The following ELMO1 variants were observed in gnomAD, a reference collection of about 807,000 sequenced individuals.
The protein encoded by ELMO1 is engulfment and cell motility 1, also known as engulfment and cell motility protein 1.
A neutral mutation model predicts 98.9 loss-of-function variants in ELMO1; 26 were observed. That is an observed-to-expected ratio of 0.26 (90% confidence interval 0.19 to 0.36). ELMO1 has a LOEUF of 0.36. Among genes scored for constraint, ELMO1 ranks in the 10% least tolerant of loss-of-function variants. The probability of loss-of-function intolerance (pLI) is 1.00; values close to 1 mark genes in which losing one functional copy is unlikely to be tolerated. For synonymous variants in ELMO1, 346 were observed against 346.0 expected, an observed-to-expected ratio of 1.00 and a Z score of 0.00; for missense variants, 627 against 935.2, an observed-to-expected ratio of 0.67 and a Z score of 4.30.
chr7:37,149,949 G>A (rs1788247340), intron 13 of ELMO1, among the ~76,000 whole-genome samples: 1 of 152,062 alleles, frequency 6.6e-6, no homozygotes, highest in Non-Finnish European at 1.5e-5. Flanking sequence ...CAAATTATCT[G>A]TCCTGCAAAT....
At chr7:37,368,781 AACTTTGTT>A (rs1257489661) in intron 1 of ELMO1, among the ~76,000 whole-genome samples, 3 of 152,126 alleles carry the variant, frequency 2.0e-5, no homozygotes, top group African/African-American at 7.2e-5. Flanking sequence ...AGCTCAGGGG[AACTTTGTT>A]ACTTATTTGC....
chr7:36,987,039 G>A (rs1459210980), intron 16 of ELMO1, among the ~76,000 whole-genome samples: 1 of 152,164 alleles, frequency 6.6e-6, no homozygotes, highest in Non-Finnish European at 1.5e-5. Context: ...AGGGCACTGC[G>A]GTGGTTCCTA....
chr7:37,445,620 A>T (rs1161141500), intron 1 of ELMO1, among the ~76,000 whole-genome samples: 1 of 150,290 alleles, frequency 6.7e-6, no homozygotes, highest in African/African-American at 2.4e-5. Flanking sequence ...TTACTTTGAA[A>T]CACTCAAGAG....
At chr7:36,983,784 C>T (rs1234029484) in intron 16 of ELMO1, among the ~76,000 whole-genome samples, 5 of 152,136 alleles carry the variant, frequency 3.3e-5, no homozygotes, top group East Asian at 1.9e-4. Flanking sequence ...GGGTATGATA[C>T]GTTCTTGGCT....
At chr7:37,123,158 C>T (rs1360016884) in intron 14 of ELMO1, among the ~76,000 whole-genome samples, 3 of 152,192 alleles carry the variant, frequency 2.0e-5, no homozygotes, top group Non-Finnish European at 4.4e-5. Context: ...AAATTTATAG[C>T]AATAAATGCC....
intron 16 of ELMO1, among the ~76,000 whole-genome samples, chr7:37,004,222 G>T (rs1792889159): frequency 6.6e-6 from 1 of 152,088 alleles, no homozygotes; most frequent in Admixed American, 6.5e-5. Context: ...TCCTTTTAAT[G>T]GGACATATAC....
chr7:37,102,191 A>T (rs1784682336), intron 14 of ELMO1, among the ~76,000 whole-genome samples: 1 of 152,138 alleles, frequency 6.6e-6, no homozygotes, highest in South Asian at 2.1e-4. Flanking sequence ...GATTCCTCTT[A>T]TGGAGACTCG....
At chr7:37,213,489 A>T (rs759350244) in intron 11 of ELMO1, 32 bp from the exon 12 acceptor site, 13 of 1,579,108 alleles carry the variant, frequency 8.2e-6, no homozygotes, top group South Asian at 1.1e-5. Flanking sequence ...GAAATTTTTT[A>T]AAAAAGAAAG....
intron 6 of ELMO1, 73 bp from the exon 7 acceptor site, chr7:37,244,464 G>T: frequency 6.7e-7 from 1 of 1,498,100 alleles, no homozygotes; most frequent in South Asian, 1.2e-5. Context: ...AACATATCTT[G>T]AAGAAAACTC....
intron 16 of ELMO1, among the ~76,000 whole-genome samples, chr7:37,009,551 G>A (rs1017107388): frequency 2.0e-5 from 3 of 152,322 alleles, no homozygotes; most frequent in Admixed American, 1.3e-4. Flanking sequence ...AAGGCGGGCT[G>A]CAGAAGCTAT....
intron 16 of ELMO1, chr7:36,919,311 CT>C (rs769216089): frequency 7.9e-6 from 4 of 507,648 alleles, no homozygotes; most frequent in Admixed American, 2.0e-5. Context: ...GAGTCTCAGC[CT>C]TTTCTAACAC....
At chr7:36,863,141 A>G (rs1159195283) in intron 20 of ELMO1, among the ~76,000 whole-genome samples, 1 of 152,174 alleles carries the variant, frequency 6.6e-6, no homozygotes, top group Non-Finnish European at 1.5e-5. Context: ...CTCACACTCA[A>G]AAGGTCTCCT....
At chr7:36,878,924 T>A (rs6960485) in intron 18 of ELMO1, among the ~76,000 whole-genome samples, 13,182 of 152,240 alleles carry the variant, frequency 0.087, 665 homozygotes, top group South Asian at 0.19. Context: ...GTGACAGCAA[T>A]GCTTGTGCAG....
intron 15 of ELMO1, among the ~76,000 whole-genome samples, chr7:37,053,322 ACACACACACAG>A (rs1796217726): frequency 6.6e-6 from 1 of 151,766 alleles, no homozygotes; most frequent in Admixed American, 6.6e-5. Context: ...ACACACACAC[ACACACACACAG>A]AAAACAACAA....
chr7:37,306,284 T>A (rs1029507730), intron 4 of ELMO1, among the ~76,000 whole-genome samples: 2 of 152,164 alleles, frequency 1.3e-5, no homozygotes, highest in Non-Finnish European at 2.9e-5. Flanking sequence ...AGGAGACAAA[T>A]CAACATATAT....
chr7:37,049,315 G>A (rs1324463736), intron 15 of ELMO1, among the ~76,000 whole-genome samples: 6 of 152,054 alleles, frequency 3.9e-5, no homozygotes, highest in Non-Finnish European at 1.5e-5. Flanking sequence ...TCTTGGGCCG[G>A]GATTCTTCTC....
intron 4 of ELMO1, among the ~76,000 whole-genome samples, chr7:37,297,678 G>C (rs6965164): frequency 1.3e-5 from 2 of 150,652 alleles, no homozygotes; most frequent in African/African-American, 4.9e-5. Flanking sequence ...CTGACTTCAA[G>C]AATTGAGTTG....
intron 1 of ELMO1, among the ~76,000 whole-genome samples, chr7:37,356,837 A>G: frequency 6.6e-6 from 1 of 152,280 alleles, no homozygotes; most frequent in African/African-American, 2.4e-5. Flanking sequence ...TTTCTTAATA[A>G]AAGCATAATA....
At chr7:37,081,598 G>T (rs567046788) in intron 15 of ELMO1, among the ~76,000 whole-genome samples, 1 of 152,170 alleles carries the variant, frequency 6.6e-6, no homozygotes, top group African/African-American at 2.4e-5. Context: ...CAAGTCTCAC[G>T]AGACAAGGGG....
Sources: gnomAD v4.1 joint callset for allele counts (sites outside exome capture counted in the v4.1 genomes callset) on GRCh38, gnomAD v4.1.1 for gene constraint, MANE v1.5 for transcripts, NCBI Gene and HGNC (gene_info 2026-07-23, HGNC 2026-07-21) for gene names.